The following RAB8A variants were observed in gnomAD, a reference collection of about 807,000 sequenced individuals.
RAB8A encodes the protein ras-related protein Rab-8A.
Under a neutral mutation model 29.2 loss-of-function variants are expected in RAB8A, and 5 were observed. That is an observed-to-expected ratio of 0.17 (90% CI 0.09 to 0.36). The LOEUF (loss-of-function observed/expected upper bound fraction) is 0.36. Among genes scored for constraint, RAB8A ranks in the 10% least tolerant of loss-of-function variants. RAB8A has a pLI of 1.00. For synonymous variants in RAB8A, 108 were observed against 99.9 expected, an observed-to-expected ratio of 1.08 and a Z score of -0.49; for missense variants, 171 against 272.2, an observed-to-expected ratio of 0.63 and a Z score of 2.62.
intron 2 of RAB8A, among the ~76,000 whole-genome samples, chr19:16,119,823 G>GT (rs1334207459): frequency 1.3e-5 from 2 of 149,014 alleles, no homozygotes; most frequent in Non-Finnish European, 3.0e-5. Context: ...TTGTTTCTTT[G>GT]TTTTTTTGAG....
At chr19:16,123,345 T>A (rs1368925424) in intron 3 of RAB8A, among the ~76,000 whole-genome samples, 2 of 152,216 alleles carry the variant, frequency 1.3e-5, no homozygotes, top group South Asian at 4.1e-4. Flanking sequence ...CAGTGGCTGA[T>A]GCCTGTAATC....
In RAB8A at chr19:16,125,252, G is replaced by C. The variant is rs559775561; in HGVS notation, c.247-218G>C. The stretch of plus-strand genomic sequence containing the variant: ...GTCACCTCAGCGGCCCGGGGGGCAG[G>C]ACAAGGCTGGTGCCAGAACCCAGCA... On this transcript the variant is annotated intron_variant, in intron 3 of 7. Coordinates refer to ENST00000300935, the MANE Select transcript of RAB8A (RefSeq NM_005370.5). The surrounding 1 kb of genome is among the most constrained non-coding windows in gnomAD (Gnocchi z 5.0). The C allele has an allele frequency of 1.3e-4, 77 of 597,296 alleles. No individual in the cohort carries two copies. In the African/African-American group the frequency reaches 1.3e-3, roughly 10 times the overall value. The allele number at this position is 597,296 out of a possible 1,614,324, so 37.0% of individuals were successfully genotyped here.
chr19:16,112,247 T>C (rs2090827396), intron 1 of RAB8A: 4 of 584,722 alleles, frequency 6.8e-6, no homozygotes, highest in South Asian at 2.0e-5. Context: ...AGACTGAGGC[T>C]CCGACCCTCA....
At chr19:16,115,642 G>T (rs2090843102) in intron 1 of RAB8A, among the ~76,000 whole-genome samples, 1 of 152,240 alleles carries the variant, frequency 6.6e-6, no homozygotes, top group South Asian at 2.1e-4. Flanking sequence ...TTTTGCCAGT[G>T]TCTTCTGTGG....
At position 16,133,217 on chromosome 19, in the gene RAB8A, T is replaced by G. The variant is rs1208484758; in HGVS notation, c.*913T>G. The G allele has an allele frequency of 6.6e-6, 1 of 151,756 alleles. No homozygotes were observed. The highest frequency in any genetic ancestry group is 1.5e-5 in the Non-Finnish European group (1 of 68,050). The allele number at this position is 151,756 out of a possible 1,614,324, so 9.4% of individuals were successfully genotyped here. ...TGTAGTGCCATGAAGCGATTCTGTC[T>G]TTGACTTCCAATGGCAAACCTGGGT... On this transcript the variant is annotated 3_prime_UTR_variant, in exon 8 of 8. Transcript: ENST00000300935.
At chr19:16,117,083 T>G (rs945479267) in intron 1 of RAB8A, among the ~76,000 whole-genome samples, 1 of 152,152 alleles carries the variant, frequency 6.6e-6, no homozygotes, top group Non-Finnish European at 1.5e-5. Context: ...TTCATCCACA[T>G]TGTATAGCAT....
intron 1 of RAB8A, chr19:16,112,779 A>T (rs1450004824): frequency 6.6e-6 from 1 of 152,246 alleles, no homozygotes; most frequent in Admixed American, 6.5e-5. Flanking sequence ...CCTCTCCCTG[A>T]CCATGCTTCC....
At chr19:16,129,428 CG>C (rs1568322263) in intron 6 of RAB8A, 125 bp from the exon 7 acceptor site, 7 of 841,164 alleles carry the variant, frequency 8.3e-6, no homozygotes, top group Non-Finnish European at 1.4e-5. Flanking sequence ...CTGCCAGAGG[CG>C]GGCATCAAAG....
intron 1 of RAB8A, among the ~76,000 whole-genome samples, chr19:16,113,007 C>T (rs1035561342): frequency 6.6e-6 from 1 of 152,178 alleles, no homozygotes; most frequent in African/African-American, 2.4e-5. Context: ...TCAAAGGGCC[C>T]AAGACTCCAG....
At chr19:16,121,428 G>A (rs935048079) in intron 2 of RAB8A, among the ~76,000 whole-genome samples, 1 of 152,116 alleles carries the variant, frequency 6.6e-6, no homozygotes, top group Admixed American at 6.6e-5. Context: ...AACAGCAAGA[G>A]CTATGTTCCT....
chr19:16,125,453 C>T lies in RAB8A; in HGVS notation c.247-17C>T. On this transcript the variant is annotated splice_polypyrimidine_tract_variant and intron_variant, in intron 3 of 7. Coordinates refer to ENST00000300935, the MANE Select transcript of RAB8A (RefSeq NM_005370.5). The surrounding 1 kb of genome is among the most constrained non-coding windows in gnomAD (Gnocchi z 5.0). ...CCTGCAGCCGATCAGGCACCTGTGT[C>T]TTCTCTCCCCGCGCAGGGCATCATG... is the stretch of plus-strand genomic sequence containing the variant. 6.2e-7 allele frequency: 1 copy of T among 1,612,044 alleles called. No homozygotes were observed. Among genetic ancestry groups the T allele is most frequent in the Non-Finnish European group, 8.5e-7 (1 of 1,178,358 alleles).
intron 1 of RAB8A, among the ~76,000 whole-genome samples, chr19:16,113,549 C>T (rs1456740068): frequency 2.0e-5 from 3 of 151,966 alleles, no homozygotes. Context: ...TTATAGGCAC[C>T]CGCCACCACG....
chr19:16,131,709 TGGAAAG>T (rs1170852124), intron 7 of RAB8A, among the ~76,000 whole-genome samples: 1 of 146,296 alleles, frequency 6.8e-6, no homozygotes, highest in African/African-American at 2.6e-5. Flanking sequence ...GATGGATGGT[TGGAAAG>T]GGATGGATGA....
intron 2 of RAB8A, 23 bp from the exon 3 acceptor site, chr19:16,121,727 A>T: frequency 1.2e-6 from 2 of 1,608,328 alleles, no homozygotes; most frequent in South Asian, 2.2e-5. Flanking sequence ...AATGTTGCTA[A>T]TATCCCTTCT....
chr19:16,132,395 C>A lies in RAB8A; in HGVS notation c.*91C>A. The stretch of plus-strand genomic sequence containing the variant: ...CACTCAGCCGGGGCCCTCCCACCTC[C>A]AACGCCCCGCCCACGCCGCGGCCAC... On this transcript the variant is annotated 3_prime_UTR_variant, in exon 8 of 8. Coordinates refer to ENST00000300935, the MANE Select transcript of RAB8A (RefSeq NM_005370.5). The surrounding 1 kb of genome is among the most constrained non-coding windows in gnomAD (Gnocchi z 5.6). 15 of 1,304,970 alleles carry A rather than the reference C, an allele frequency of 1.1e-5. No individual in the cohort carries two copies. The highest frequency in any genetic ancestry group is 1.6e-5 in the Non-Finnish European group (15 of 932,274). 80.8% of individuals were successfully genotyped at this position (1,304,970 alleles called of 1,614,324 possible).
chr19:16,112,288 G>A (rs1227862222), intron 1 of RAB8A: 15 of 489,122 alleles, frequency 3.1e-5, no homozygotes, highest in Non-Finnish European at 5.6e-5. Flanking sequence ...TATGTCTTGG[G>A]CTGGGGTCTT....
At chr19:16,129,782 A>G (rs1340033566) in intron 7 of RAB8A, among the ~76,000 whole-genome samples, 178 bp downstream of exon 7, 2 of 152,172 alleles carry the variant, frequency 1.3e-5, no homozygotes, top group Non-Finnish European at 2.9e-5. Context: ...AGCATCAGGC[A>G]GTGCCAGCCT....
At position 16,125,607 on chromosome 19, in the gene RAB8A, G is replaced by A. The variant is rs536687916; in HGVS notation, c.324+60G>A. On this transcript the variant is annotated intron_variant, in intron 4 of 7. Transcript: ENST00000300935. The surrounding 1 kb of genome is among the most constrained non-coding windows in gnomAD (Gnocchi z 5.0). Reference sequence around the variant, plus strand: ...TCAGTCCTTGTCCCAGAGCCCTCTGGTTTACTCATGAGAAGGCCAAGGTGC... The same window carrying A: ...TCAGTCCTTGTCCCAGAGCCCTCTGATTTACTCATGAGAAGGCCAAGGTGC... 1 of 1,511,304 alleles carries A rather than the reference G, an allele frequency of 6.6e-7. No homozygotes were observed. Among genetic ancestry groups the A allele is most frequent in the East Asian group, 2.3e-5 (1 of 42,860 alleles). 93.6% of individuals were successfully genotyped at this position (1,511,304 alleles called of 1,614,324 possible). A position where few individuals can be genotyped will look rare whatever the true frequency, so the allele number is the denominator to read the frequency against.
At chr19:16,128,378 G>A (rs1238644382) in intron 6 of RAB8A, among the ~76,000 whole-genome samples, 1 of 152,182 alleles carries the variant, frequency 6.6e-6, no homozygotes, top group African/African-American at 2.4e-5. Context: ...TACAGGTGAG[G>A]AAACTAAGGC....
Sources: gnomAD v4.1 joint callset for allele counts (sites outside exome capture counted in the v4.1 genomes callset) on GRCh38, gnomAD v4.1.1 for gene constraint, Gnocchi (gnomAD v3.1) non-coding constraint, MANE v1.5 for transcripts, NCBI Gene and HGNC (gene_info 2026-07-23, HGNC 2026-07-21) for gene names.